Variants in HS3ST2 observed in about 807,000 individuals in gnomAD.
HS3ST2 encodes the protein heparan sulfate glucosamine 3-O-sulfotransferase 2.
Under a neutral mutation model 26.3 loss-of-function variants are expected in HS3ST2, and 17 were observed. The observed-to-expected ratio is 0.65, with a 90% CI of 0.44 to 0.97. The LOEUF (loss-of-function observed/expected upper bound fraction) is 0.97, where lower values mean the gene tolerates loss of function less well. Ranked by LOEUF, HS3ST2 falls within the 50% of genes least tolerant of loss-of-function variation. The pLI is 0.00. For synonymous variants in HS3ST2, 237 were observed against 219.2 expected (o/e 1.08, Z -0.72); for missense variants, 402 against 501.2 (o/e 0.80, Z 1.89).
chr16:22,827,480 G>A (rs1901106167), intron 1 of HS3ST2, among the ~76,000 whole-genome samples: 1 of 152,156 alleles, frequency 6.6e-6, no homozygotes, highest in African/African-American at 2.4e-5. Flanking sequence ...TTGCAAAAGT[G>A]GTTGCAGCAG....
At chr16:22,859,435 C>T (rs904254343) in intron 1 of HS3ST2, among the ~76,000 whole-genome samples, 19 of 152,134 alleles carry the variant, frequency 1.2e-4, no homozygotes, top group African/African-American at 4.1e-4. Flanking sequence ...GAATTTAGTC[C>T]ATGTTCTGTT....
chr16:22,886,936 G>T (rs544018906), intron 1 of HS3ST2, among the ~76,000 whole-genome samples: 1 of 152,122 alleles, frequency 6.6e-6, no homozygotes, highest in African/African-American at 2.4e-5. Context: ...CCTTTTTGTA[G>T]AGATGAGGTT....
At chr16:22,829,663 A>T (rs1310692764) in intron 1 of HS3ST2, among the ~76,000 whole-genome samples, 1 of 152,164 alleles carries the variant, frequency 6.6e-6, no homozygotes, top group Non-Finnish European at 1.5e-5. Flanking sequence ...TCTTAGAAAT[A>T]GGTACTAGTG....
Position 22,894,093 on chromosome 16 carries a change from T to C in HS3ST2, c.486-20851T>C, listed in dbSNP as rs72770557. 7.8e-3 allele frequency among the ~76,000 whole-genome samples: 1,194 copies of C among 152,256 alleles called. 14 individuals are homozygous for C. Among genetic ancestry groups the C allele is most frequent in the Non-Finnish European group, 8.5e-3 (576 of 68,018 alleles). On this transcript the variant is annotated intron_variant, in intron 1 of 1. Coordinates refer to ENST00000261374, the MANE Select transcript of HS3ST2 (RefSeq NM_006043.2). ...TCCTTGGCCTCCCAGAGTGCTGGGGTTCCAGGCATGAGCTACCACACCCGT... is the reference window on the plus strand; with the variant it reads ...TCCTTGGCCTCCCAGAGTGCTGGGGCTCCAGGCATGAGCTACCACACCCGT...
At chr16:22,833,507 C>G in intron 1 of HS3ST2, 3 of 372,382 alleles carry the variant, frequency 8.1e-6, no homozygotes, top group South Asian at 4.0e-5. Flanking sequence ...AGGATGGTGT[C>G]ACTTCATAAA....
chr16:22,907,552 A>G (rs1028330042), intron 1 of HS3ST2, among the ~76,000 whole-genome samples: 1 of 152,224 alleles, frequency 6.6e-6, no homozygotes, highest in African/African-American at 2.4e-5. Flanking sequence ...AAAACTTACA[A>G]GAACGAAAGA....
At chr16:22,844,457 C>T (rs1224938852) in intron 1 of HS3ST2, among the ~76,000 whole-genome samples, 3 of 152,216 alleles carry the variant, frequency 2.0e-5, no homozygotes, top group Non-Finnish European at 4.4e-5. Context: ...GTCACAGTTC[C>T]AGGTAACCTC....
chr16:22,897,487 T>C (rs1315324982), intron 1 of HS3ST2, among the ~76,000 whole-genome samples: 2 of 152,182 alleles, frequency 1.3e-5, no homozygotes, highest in Non-Finnish European at 2.9e-5. Flanking sequence ...GACCAACTTT[T>C]TACCATATTC....
At chr16:22,897,745 G>A in intron 1 of HS3ST2, among the ~76,000 whole-genome samples, 1 of 36,528 alleles carries the variant, frequency 2.7e-5, no homozygotes, top group Non-Finnish European at 4.9e-5. Context: ...TCTTAGCTTC[G>A]CTATTCAGTA....
At position 22,909,898 on chromosome 16, in the gene HS3ST2, G is replaced by A. The variant is rs367872645; in HGVS notation, c.486-5046G>A. Among the ~76,000 whole-genome samples the A allele has an allele frequency of 5.9e-5, 9 of 152,184 alleles. No individual in the cohort carries two copies. In the East Asian group the frequency reaches 1.2e-3, roughly 20 times the overall value. On this transcript the variant is annotated intron_variant, in intron 1 of 1. Transcript: ENST00000261374. ...ACTAAATACAAAAAATTAGCTGGGC[G>A]TGGTGGCACATGCCTGTAATCCCAG...
intron 1 of HS3ST2, among the ~76,000 whole-genome samples, chr16:22,828,740 G>A (rs1323338984): frequency 6.6e-6 from 1 of 152,182 alleles, no homozygotes; most frequent in Non-Finnish European, 1.5e-5. Context: ...AACACTGTAG[G>A]ATCTGAATTA....
intron 1 of HS3ST2, among the ~76,000 whole-genome samples, chr16:22,852,245 C>G (rs1182999977): frequency 6.6e-6 from 1 of 152,112 alleles, no homozygotes; most frequent in African/African-American, 2.4e-5. Context: ...TTCAGAAACC[C>G]TGGTCTAAAT....
rs3078722 is a variant in HS3ST2, at chr16:22,855,696, G to GTCTCTCTCTCTCTCTCTC, written c.485+40617_485+40634dup. On this transcript the variant is annotated intron_variant, in intron 1 of 1. Transcript: ENST00000261374. Reference sequence around the variant, plus strand: ...TCTCTGTCTGTCTCTCTGTCTCTCTGTCTCTCTCTCTCTCTCTCTCTCTCT... The same window carrying GTCTCTCTCTCTCTCTCTC: ...TCTCTGTCTGTCTCTCTGTCTCTCTGTCTCTCTCTCTCTCTCTCTCTCTCTCTCTCTCTCTCTCTCTCT... Among the ~76,000 whole-genome samples the GTCTCTCTCTCTCTCTCTC allele has an allele frequency of 9.7e-4, 139 of 143,030 alleles. 3 individuals carry two copies. The highest frequency in any genetic ancestry group is 7.2e-3 in the East Asian group (34 of 4,742). The allele number at this position is 143,030 out of a possible 152,430, so 93.8% of individuals were successfully genotyped here.
chr16:22,815,599 G>A (rs1900852967), intron 1 of HS3ST2, among the ~76,000 whole-genome samples: 1 of 152,190 alleles, frequency 6.6e-6, no homozygotes, highest in Admixed American at 6.5e-5. Context: ...GAGGTCTCCA[G>A]TAAGAAAGAT....
At position 22,892,315 on chromosome 16, in the gene HS3ST2, G is replaced by A. The variant is rs1245986901; in HGVS notation, c.486-22629G>A. Among the ~76,000 whole-genome samples, 3 of 150,536 alleles carry A rather than the reference G, an allele frequency of 2.0e-5. No homozygotes were observed. The East Asian group carries it at 5.8e-4, about 29-fold the overall frequency. ...AAAAAAAAAAAAAAAAGAACTGAAA[G>A]TAGTAAAGTGGTATATTTTATATAT... is the stretch of plus-strand genomic sequence containing the variant. On this transcript the variant is annotated intron_variant, in intron 1 of 1. Transcript: ENST00000261374.
At chr16:22,877,074 C>T (rs1901929931) in intron 1 of HS3ST2, among the ~76,000 whole-genome samples, 1 of 152,128 alleles carries the variant, frequency 6.6e-6, no homozygotes, top group Admixed American at 6.5e-5. Flanking sequence ...GAAATCACCA[C>T]TAAAGTACTT....
chr16:22,896,435 G>T lies in HS3ST2; in HGVS notation c.486-18509G>T, dbSNP rs568471221. Among the ~76,000 whole-genome samples the T allele has an allele frequency of 3.3e-5, 5 of 152,184 alleles. No individual in the cohort carries two copies. The South Asian group carries it at 6.2e-4, about 19-fold the overall frequency. On this transcript the variant is annotated intron_variant, in intron 1 of 1. Transcript: ENST00000261374. ...ATAGCCATCTTATATCTCTGGGAAG[G>T]TCTCTTTAATGAAATCTTTGCCTAT...
intron 1 of HS3ST2, among the ~76,000 whole-genome samples, chr16:22,899,117 A>C (rs181991574): frequency 1.4e-3 from 217 of 152,300 alleles, no homozygotes; most frequent in Non-Finnish European, 2.2e-3. Flanking sequence ...GTGTTAACAA[A>C]CAAAATAAAC....
intron 1 of HS3ST2, among the ~76,000 whole-genome samples, chr16:22,912,684 A>G (rs1040018035): frequency 1.3e-5 from 2 of 152,176 alleles, no homozygotes; most frequent in African/African-American, 4.8e-5. Flanking sequence ...CTGCAGTCAT[A>G]TTTATACCCA....
Sources: gnomAD v4.1 joint callset for allele counts (sites outside exome capture counted in the v4.1 genomes callset) on GRCh38, gnomAD v4.1.1 for gene constraint, MANE v1.5 for transcripts, NCBI Gene and HGNC (gene_info 2026-07-23, HGNC 2026-07-21) for gene names.